RGS12: variants seen among roughly 807,000 people sequenced by gnomAD.
RGS12 encodes the protein regulator of G protein signaling 12, also known as regulator of G-protein signaling 12.
Under a neutral mutation model 120.1 loss-of-function variants are expected in RGS12, and 66 were observed. That is an observed-to-expected ratio of 0.55 (90% CI 0.45 to 0.67). RGS12 has a LOEUF of 0.67. RGS12 is among the 30% of genes least tolerant of loss of function. The probability of loss-of-function intolerance (pLI) is 0.00; values close to 1 mark genes in which losing one functional copy is unlikely to be tolerated. For missense variants in RGS12, 1,859 were observed against 1,957.7 expected (o/e 0.95, Z 0.95); for synonymous variants, 827 against 804.7 (o/e 1.03, Z -0.47).
At chr4:3,364,032 C>T (rs1296492383) in intron 3 of RGS12, among the ~76,000 whole-genome samples, 1 of 152,184 alleles carries the variant, frequency 6.6e-6, no homozygotes, top group Non-Finnish European at 1.5e-5. Context: ...CAAACGCTTC[C>T]CTCTCCGATT....
At chr4:3,323,535 A>G (rs1456891275) in intron 2 of RGS12, among the ~76,000 whole-genome samples, 1 of 152,172 alleles carries the variant, frequency 6.6e-6, no homozygotes, top group Non-Finnish European at 1.5e-5. Context: ...TTCTAAAACA[A>G]ATTTCTCATG....
chr4:3,342,454 C>T, intron 2 of RGS12: 1 of 1,285,938 alleles, frequency 7.8e-7, no homozygotes, highest in African/African-American at 1.5e-5. Context: ...TCTTCAGACA[C>T]CAGCTGAATG....
intron 1 of RGS12, among the ~76,000 whole-genome samples, chr4:3,311,497 A>G (rs1724401515): frequency 6.6e-6 from 1 of 152,110 alleles, no homozygotes; most frequent in Non-Finnish European, 1.5e-5. Context: ...TTAATGATGA[A>G]TGAGTGAAGG....
chr4:3,369,209 T>C (rs1716710109), intron 3 of RGS12, among the ~76,000 whole-genome samples: 1 of 152,204 alleles, frequency 6.6e-6, no homozygotes, highest in African/African-American at 2.4e-5. Context: ...CCCACACTTT[T>C]GTTACGTGCA....
At chr4:3,368,903 T>C (rs528292890) in intron 3 of RGS12, among the ~76,000 whole-genome samples, 59 of 152,212 alleles carry the variant, frequency 3.9e-4, no homozygotes, top group African/African-American at 1.4e-3. Flanking sequence ...GCCATGCCTG[T>C]CGTACCTAAT....
chr4:3,286,547 G>A, the RGS12 span, among the ~76,000 whole-genome samples: 1 of 152,192 alleles, frequency 6.6e-6, no homozygotes, highest in African/African-American at 2.4e-5. Context: ...AGCCCCTGTG[G>A]GCCCTGCTCC....
chr4:3,387,821 A>T (rs979924131), intron 4 of RGS12, among the ~76,000 whole-genome samples: 14 of 152,190 alleles, frequency 9.2e-5, no homozygotes, highest in Non-Finnish European at 1.9e-4. Context: ...TACATGAAAG[A>T]TTTGCCTAAT....
intron 1 of RGS12, among the ~76,000 whole-genome samples, chr4:3,300,562 C>A (rs989918215): frequency 6.6e-6 from 1 of 152,116 alleles, no homozygotes; most frequent in Admixed American, 6.5e-5. Flanking sequence ...TAGCAGCCCC[C>A]GGTCCCGTCA....
At chr4:3,384,223 C>A (rs569839090) in intron 3 of RGS12, among the ~76,000 whole-genome samples, 3 of 152,112 alleles carry the variant, frequency 2.0e-5, no homozygotes, top group African/African-American at 7.2e-5. Context: ...GGCACGATCT[C>A]GGCTCATTGC....
chr4:3,386,246 G>A (rs1185258824), intron 3 of RGS12, 170 bp from the exon 4 acceptor site: 10 of 651,332 alleles, frequency 1.5e-5, no homozygotes, highest in Admixed American at 5.5e-5. Context: ...AGTGGGAGCC[G>A]TGACTCTTGA....
intron 1 of RGS12, among the ~76,000 whole-genome samples, chr4:3,293,842 A>C (rs1723201662): frequency 1.5e-5 from 2 of 133,950 alleles, no homozygotes; most frequent in Admixed American, 7.4e-5. Context: ...GGGGGCCCAG[A>C]GCCGTGGAGT....
At chr4:3,321,661 G>A (rs1334554151) in intron 2 of RGS12, among the ~76,000 whole-genome samples, 1 of 152,230 alleles carries the variant, frequency 6.6e-6, no homozygotes, top group African/African-American at 2.4e-5. Flanking sequence ...CCCAGGGCAG[G>A]GTTTTCTGTG....
chr4:3,328,658 A>G (rs1560089819), intron 2 of RGS12, among the ~76,000 whole-genome samples: 1 of 152,230 alleles, frequency 6.6e-6, no homozygotes. Context: ...CACAGTAGGG[A>G]TAGAGAGATA....
At position 3,420,720 on chromosome 4, in the gene RGS12, T is replaced by A; in HGVS notation, c.2838+2T>A. On this transcript the variant is annotated splice_donor_variant, in intron 10 of 17. Transcript: ENST00000336727. LOFTEE classifies it high-confidence loss of function. Reference sequence around the variant, plus strand: ...TCCTCTGCGGGGAGCCTGGACCTGGTGAGTCACTGTCTCCCCTCGTCCCAC... The same window carrying A: ...TCCTCTGCGGGGAGCCTGGACCTGGAGAGTCACTGTCTCCCCTCGTCCCAC... 6.2e-7 allele frequency: 1 copy of A among 1,611,192 alleles called. No individual in the cohort carries two copies. The highest frequency in any genetic ancestry group is 8.5e-7 in the Non-Finnish European group (1 of 1,179,576).
intron 2 of RGS12, among the ~76,000 whole-genome samples, chr4:3,340,762 A>AGGTGCAGGCCGGTGTAGGCC (rs1553801996): frequency 3.5e-4 from 53 of 151,024 alleles, no homozygotes; most frequent in African/African-American, 1.1e-3. Context: ...AGGTGCAGGC[A>AGGTGCAGGCCGGTGTAGGCC]GGTGCAGGCC....
At chr4:3,328,144 A>G (rs1725686968) in intron 2 of RGS12, among the ~76,000 whole-genome samples, 1 of 152,266 alleles carries the variant, frequency 6.6e-6, no homozygotes, top group Non-Finnish European at 1.5e-5. Flanking sequence ...AGATACAGAA[A>G]GACAAATCCC....
In RGS12 at chr4:3,317,136, C is replaced by T. The variant is rs754481096; in HGVS notation, c.966C>T (p.Asp322=). ...TGGTTACCATGCAGACGAATGACGA[C>T]GGGAGCCTGGCCCAGGAGGAGGAGG... ...FGLVTMQTND[D]GSLAQEEEGA... is the part of the protein sequence containing the mutation. Residue 322 remains aspartate, a synonymous_variant, in exon 2 of 18, where the codon GAC becomes GAT. Transcript: ENST00000336727. 36 of 1,613,730 alleles carry T rather than the reference C, an allele frequency of 2.2e-5. No individual in the cohort carries two copies. The East Asian group carries it at 4.7e-4, about 21-fold the overall frequency.
At chr4:3,424,206 G>A (rs1049289402) in intron 13 of RGS12, among the ~76,000 whole-genome samples, 38 of 152,380 alleles carry the variant, frequency 2.5e-4, no homozygotes, top group African/African-American at 7.9e-4. Context: ...GCTGGGCCCC[G>A]CTGAGGGTGC....
chr4:3,423,439 G>A (rs1290722723), intron 12 of RGS12, 76 bp from the exon 13 acceptor site: 9 of 1,584,530 alleles, frequency 5.7e-6, no homozygotes, highest in South Asian at 3.4e-5. Flanking sequence ...GGGCTGTGCT[G>A]TAGTTCTGCT....
Sources: allele counts gnomAD v4.1 joint callset (sites outside exome capture counted in the v4.1 genomes callset), GRCh38; gene constraint gnomAD v4.1.1; transcripts MANE v1.5; gene names NCBI Gene and HGNC (gene_info 2026-07-23, HGNC 2026-07-21).